Variants in NEGR1 observed in about 807,000 individuals in gnomAD.
The protein encoded by NEGR1 is neuronal growth regulator 1.
A neutral mutation model predicts 40.9 loss-of-function variants in NEGR1; 10 were observed. The observed-to-expected ratio is 0.24, with a 90% CI of 0.15 to 0.42. The LOEUF (loss-of-function observed/expected upper bound fraction) is 0.42. Among genes scored for constraint, NEGR1 ranks in the 10% least tolerant of loss-of-function variants. The probability of loss-of-function intolerance (pLI) is 1.00; values close to 1 mark genes in which losing one functional copy is unlikely to be tolerated. For synonymous variants in NEGR1, 185 were observed against 166.8 expected (o/e 1.11, Z -0.84); for missense variants, 352 against 438.9 (o/e 0.80, Z 1.77).
intron 3 of NEGR1, among the ~76,000 whole-genome samples, chr1:71,754,335 C>T (rs1463002389): frequency 1.3e-5 from 2 of 152,148 alleles, no homozygotes; most frequent in Non-Finnish European, 2.9e-5. Context: ...CTACTATGTC[C>T]GTTTTCCTTT....
chr1:72,021,996 G>C (rs906034660), intron 1 of NEGR1, among the ~76,000 whole-genome samples: 1 of 151,754 alleles, frequency 6.6e-6, no homozygotes, highest in Admixed American at 6.6e-5. Flanking sequence ...TTAGCTGGGC[G>C]TGGTGGCAGG....
chr1:71,764,107 A>G (rs969952894), intron 3 of NEGR1, among the ~76,000 whole-genome samples: 9 of 152,266 alleles, frequency 5.9e-5, no homozygotes, highest in Admixed American at 2.0e-4. Context: ...GACATGAAGT[A>G]CTATATAACT....
At chr1:72,222,984 G>C (rs1654062380) in intron 1 of NEGR1, among the ~76,000 whole-genome samples, 3 of 152,106 alleles carry the variant, frequency 2.0e-5, no homozygotes. Flanking sequence ...CTGTCTACCT[G>C]GGAGCCACTA....
intron 4 of NEGR1, among the ~76,000 whole-genome samples, chr1:71,653,757 C>T (rs7524126): frequency 0.25 from 8,632 of 34,560 alleles, 350 homozygotes; most frequent in South Asian, 0.33. Flanking sequence ...TATGGCTTTA[C>T]GTGTGATTTT....
chr1:72,231,461 T>A (rs1239698071), intron 1 of NEGR1, among the ~76,000 whole-genome samples: 1 of 152,196 alleles, frequency 6.6e-6, no homozygotes, highest in African/African-American at 2.4e-5. Flanking sequence ...GGGACAATGA[T>A]AGTACCTATC....
intron 1 of NEGR1, among the ~76,000 whole-genome samples, chr1:72,013,429 C>T (rs1464382107): frequency 6.6e-6 from 1 of 152,116 alleles, no homozygotes; most frequent in Non-Finnish European, 1.5e-5. Context: ...TCAGAGAGAA[C>T]TTGAGGCTGC....
At chr1:71,784,416 C>T (rs1656839218) in intron 2 of NEGR1, among the ~76,000 whole-genome samples, 1 of 151,968 alleles carries the variant, frequency 6.6e-6, no homozygotes, top group Non-Finnish European at 1.5e-5. Flanking sequence ...GTAACTAACC[C>T]TACAAGAAAT....
chr1:71,617,908 C>G (rs567101728), intron 4 of NEGR1, among the ~76,000 whole-genome samples: 3 of 152,272 alleles, frequency 2.0e-5, no homozygotes, highest in South Asian at 2.1e-4. Context: ...AACACAGTCA[C>G]CAATGGCAGC....
At chr1:71,637,124 G>A (rs1322475914) in intron 4 of NEGR1, among the ~76,000 whole-genome samples, 1 of 151,992 alleles carries the variant, frequency 6.6e-6, no homozygotes, top group Non-Finnish European at 1.5e-5. Context: ...TTGTACTATA[G>A]TGTATAAATC....
intron 1 of NEGR1, among the ~76,000 whole-genome samples, chr1:72,208,301 C>T (rs544318269): frequency 2.0e-5 from 3 of 151,776 alleles, no homozygotes; most frequent in Non-Finnish European, 4.4e-5. Context: ...ACAGATAAAT[C>T]AGAGCAACTA....
chr1:71,779,721 C>T (rs1656633866), intron 2 of NEGR1, among the ~76,000 whole-genome samples: 2 of 152,040 alleles, frequency 1.3e-5, no homozygotes, highest in African/African-American at 2.4e-5. Context: ...GCGCCTGCCA[C>T]TGCGCCCAGC....
chr1:72,164,709 T>C (rs1651705567), intron 1 of NEGR1, among the ~76,000 whole-genome samples: 1 of 152,070 alleles, frequency 6.6e-6, no homozygotes, highest in Non-Finnish European at 1.5e-5. Context: ...TGTTTTTGTT[T>C]TGTTGTCTTC....
intron 1 of NEGR1, among the ~76,000 whole-genome samples, chr1:72,194,272 A>G (rs1427788208): frequency 6.6e-6 from 1 of 151,898 alleles, no homozygotes; most frequent in Non-Finnish European, 1.5e-5. Context: ...GGGAGCTAAT[A>G]TTTTTGCAAG....
At position 71,420,323 on chromosome 1, in the gene NEGR1, A is replaced by G. The variant is rs534455196; in HGVS notation, c.941-12753T>C. On this transcript the variant is annotated intron_variant, in intron 6 of 6. Coordinates refer to ENST00000357731, the MANE Select transcript of NEGR1 (RefSeq NM_173808.3). ...TGGAAAATTGATCTTTGAGACTTAC[A>G]TAAGTCAGGAAATTATAATTTAGAA... is the stretch of plus-strand genomic sequence containing the variant. Among the ~76,000 whole-genome samples the G allele has an allele frequency of 1.4e-4, 22 of 152,206 alleles. No individual in the cohort carries two copies. The South Asian group carries it at 2.9e-3, about 20-fold the overall frequency.
At chr1:71,629,633 A>C (rs1284529387) in intron 4 of NEGR1, among the ~76,000 whole-genome samples, 1 of 151,964 alleles carries the variant, frequency 6.6e-6, no homozygotes, top group East Asian at 1.9e-4. Context: ...TAGAGAAAGA[A>C]ATAAAGGTAT....
intron 1 of NEGR1, among the ~76,000 whole-genome samples, chr1:72,195,531 C>A (rs1652969753): frequency 6.6e-6 from 1 of 151,592 alleles, no homozygotes; most frequent in Non-Finnish European, 1.5e-5. Flanking sequence ...CAATGATACA[C>A]CAAGATTTTT....
At chr1:71,783,655 G>A (rs190845591) in intron 2 of NEGR1, among the ~76,000 whole-genome samples, 25 of 152,236 alleles carry the variant, frequency 1.6e-4, no homozygotes, top group Admixed American at 2.6e-4. Flanking sequence ...TAAAGAATCC[G>A]TATAAGAAAA....
chr1:72,132,274 G>C (rs566113377), intron 1 of NEGR1, among the ~76,000 whole-genome samples: 1 of 152,178 alleles, frequency 6.6e-6, no homozygotes, highest in African/African-American at 2.4e-5. Flanking sequence ...AATTAAATTT[G>C]ATTGCATAGG....
intron 2 of NEGR1, among the ~76,000 whole-genome samples, chr1:71,791,957 A>G (rs1657134975): frequency 6.6e-6 from 1 of 152,250 alleles, no homozygotes; most frequent in East Asian, 1.9e-4. Context: ...TAGTAAACAT[A>G]CAGGACATAT....
Sources: gnomAD v4.1 joint callset for allele counts (sites outside exome capture counted in the v4.1 genomes callset) on GRCh38, gnomAD v4.1.1 for gene constraint, MANE v1.5 for transcripts, NCBI Gene and HGNC (gene_info 2026-07-23, HGNC 2026-07-21) for gene names.